IPO7: variants seen among roughly 807,000 people sequenced by gnomAD.
IPO7 encodes the protein importin-7.
Under a neutral mutation model 136.4 loss-of-function variants are expected in IPO7, and 13 were observed. That is an observed-to-expected ratio of 0.10 (90% CI 0.06 to 0.15). The LOEUF (loss-of-function observed/expected upper bound fraction) is 0.15. Among genes scored for constraint, IPO7 ranks in the 10% least tolerant of loss-of-function variants. The pLI is 1.00. For synonymous variants in IPO7, 403 were observed against 404.4 expected (o/e 1.00, Z 0.04); for missense variants, 857 against 1,240.6 (o/e 0.69, Z 4.65).
At chr11:9,443,728 C>T (rs1394064506) in intron 24 of IPO7, among the ~76,000 whole-genome samples, 1 of 150,086 alleles carries the variant, frequency 6.7e-6, no homozygotes, top group African/African-American at 2.5e-5. Flanking sequence ...CATAGTGAGA[C>T]ATCATCTCTA....
rs764351839 is a variant in IPO7, at chr11:9,445,200, CTCTT to C, written c.*13_*16del. On this transcript the variant is annotated 3_prime_UTR_variant, in exon 25 of 25. Transcript: ENST00000379719. ...CAGCACCAGGGATGAATTGAGTTAT[CTCTT>C]TCTTTCCTGCTGTGTGCTTGTAGTG... 20 of 1,538,850 alleles carry C rather than the reference CTCTT, an allele frequency of 1.3e-5. No individual in the cohort carries two copies. In the East Asian group the frequency reaches 2.2e-4, roughly 17 times the overall value.
At chr11:9,422,408 G>GTT (rs983756723) in intron 8 of IPO7, among the ~76,000 whole-genome samples, 6 of 145,864 alleles carry the variant, frequency 4.1e-5, no homozygotes, top group African/African-American at 1.0e-4. Flanking sequence ...ACACAGTTTT[G>GTT]TTTTTTTTTT....
intron 1 of IPO7, among the ~76,000 whole-genome samples, chr11:9,396,282 A>G (rs1397632775): frequency 6.6e-6 from 1 of 151,914 alleles, no homozygotes; most frequent in Non-Finnish European, 1.5e-5. Flanking sequence ...TGTAATCCCA[A>G]CTACTCAGGA....
intron 8 of IPO7, among the ~76,000 whole-genome samples, chr11:9,422,019 C>G (rs1855139405): frequency 6.6e-6 from 1 of 152,176 alleles, no homozygotes; most frequent in Non-Finnish European, 1.5e-5. Flanking sequence ...GTGGCTCACG[C>G]CTATAATCCC....
intron 20 of IPO7, 98 bp from the exon 21 acceptor site, chr11:9,437,656 C>A: frequency 2.4e-6 from 2 of 848,670 alleles, no homozygotes; most frequent in Non-Finnish European, 3.7e-6. Context: ...TCTAATGCTA[C>A]AATAGGGTTA....
chr11:9,427,089 A>G (rs765414246), intron 12 of IPO7, among the ~76,000 whole-genome samples: 4 of 152,056 alleles, frequency 2.6e-5, no homozygotes, highest in Non-Finnish European at 5.9e-5. Flanking sequence ...GCTTCAGGTG[A>G]TCCGCCTGCC....
At chr11:9,420,009 A>G (rs765788954) in intron 6 of IPO7, among the ~76,000 whole-genome samples, 7 of 152,286 alleles carry the variant, frequency 4.6e-5, no homozygotes, top group Non-Finnish European at 1.0e-4. Flanking sequence ...TACTTTTCCA[A>G]GTCTAACCTT....
In IPO7 at chr11:9,429,126, T is replaced by G. The variant is rs766686664; in HGVS notation, c.1521T>G (p.Asp507Glu). The change falls in exon 14 of 25, where the codon GAT becomes GAG. Residue 507 changes from aspartate to glutamate, a missense_variant. Physicochemically the swap from Asp to Glu is conservative, Grantham distance 45. Coordinates refer to ENST00000379719, the MANE Select transcript of IPO7 (RefSeq NM_006391.3). Reference sequence around the variant, plus strand: ...AGCTAACAAGAAGATGTCTGATTGATGATAGAGAAATGCCTGTGAAAGTGG... The same window carrying G: ...AGCTAACAAGAAGATGTCTGATTGAGGATAGAGAAATGCCTGTGAAAGTGG... The part of the protein sequence containing the change: ...ALELTRRCLI[D>E]DREMPVKVEA... 6.2e-7 allele frequency: 1 copy of G among 1,613,960 alleles called. No homozygotes were observed.
At chr11:9,427,130 G>A (rs1167683347) in intron 12 of IPO7, among the ~76,000 whole-genome samples, 1 of 152,114 alleles carries the variant, frequency 6.6e-6, no homozygotes, top group Non-Finnish European at 1.5e-5. Flanking sequence ...GATTACAGGC[G>A]TGAGCCACTG....
At chr11:9,420,340 A>G (rs1855109475) in intron 6 of IPO7, 71 bp from the exon 7 acceptor site, 8 of 997,764 alleles carry the variant, frequency 8.0e-6, no homozygotes, top group South Asian at 7.3e-5. Flanking sequence ...ATTTTTGTCA[A>G]TCTATTCTCA....
intron 12 of IPO7, among the ~76,000 whole-genome samples, chr11:9,426,145 G>A (rs1301787769): frequency 6.6e-6 from 1 of 152,144 alleles, no homozygotes; most frequent in Non-Finnish European, 1.5e-5. Context: ...ACCCCCAGAA[G>A]GAACTCTGTA....
At chr11:9,439,737 G>A (rs1255682192) in intron 22 of IPO7, among the ~76,000 whole-genome samples, 4 of 152,018 alleles carry the variant, frequency 2.6e-5, no homozygotes, top group African/African-American at 9.6e-5. Context: ...CACCACACCG[G>A]CTAATTTTTG....
chr11:9,428,925 A>T, intron 13 of IPO7, 106 bp from the exon 14 acceptor site: 1 of 977,618 alleles, frequency 1.0e-6, no homozygotes, highest in Non-Finnish European at 1.7e-6. Flanking sequence ...CACATCTACC[A>T]CTGGCCAGCC....
Position 9,447,551 on chromosome 11 carries a change from A to T in IPO7, c.*2357A>T, listed in dbSNP as rs546395088. ...GCAGGATTTTTGGAAAACTTTTTGAATGTATTTACAATATTCTCTTGTAAT... is the reference window on the plus strand; with the variant it reads ...GCAGGATTTTTGGAAAACTTTTTGATTGTATTTACAATATTCTCTTGTAAT... On this transcript the variant is annotated 3_prime_UTR_variant, in exon 25 of 25. Coordinates refer to ENST00000379719, the MANE Select transcript of IPO7 (RefSeq NM_006391.3). 2 of 152,292 alleles carry T rather than the reference A, an allele frequency of 1.3e-5. No individual in the cohort carries two copies. Among genetic ancestry groups the T allele is most frequent in the Non-Finnish European group, 2.9e-5 (2 of 68,034 alleles). The allele number at this position is 152,292 out of a possible 1,614,324, so 9.4% of individuals were successfully genotyped here. A position where few individuals can be genotyped will look rare whatever the true frequency, so the allele number is the denominator to read the frequency against.
intron 16 of IPO7, among the ~76,000 whole-genome samples, chr11:9,431,505 A>G (rs1169153040): frequency 6.6e-6 from 1 of 151,660 alleles, no homozygotes; most frequent in Non-Finnish European, 1.5e-5. Context: ...CTGTCACCCA[A>G]GCTGGATTGC....
At chr11:9,410,601 T>C (rs1480306039) in intron 4 of IPO7, among the ~76,000 whole-genome samples, 8 of 152,346 alleles carry the variant, frequency 5.3e-5, no homozygotes, top group African/African-American at 1.9e-4. Context: ...GTTGCATATT[T>C]AAGCAGATTA....
chr11:9,438,049 T>TTTG (rs1565004417), intron 21 of IPO7, 31 bp from the exon 22 acceptor site: 5 of 357,896 alleles, frequency 1.4e-5, no homozygotes, highest in African/African-American at 1.3e-4. Flanking sequence ...AAAACAGTTT[T>TTTG]TTTTTTTTTT....
intron 3 of IPO7, among the ~76,000 whole-genome samples, chr11:9,409,077 AC>A (rs1231155631): frequency 6.7e-6 from 1 of 148,770 alleles, no homozygotes; most frequent in Non-Finnish European, 1.5e-5. Flanking sequence ...CAGAAAACTT[AC>A]CCAACAGATG....
chr11:9,445,162 A>C lies in IPO7; in HGVS notation c.3085A>C (p.Asn1029His). ...TGCTCCAGTTGTGCCAAGTTCTTTCAATTTTGGAGGCCCAGCACCAGGGAT... is the reference window on the plus strand; with the variant it reads ...TGCTCCAGTTGTGCCAAGTTCTTTCCATTTTGGAGGCCCAGCACCAGGGAT... ...FSAPVVPSSF[N>H]FGGPAPGMN is the part of the protein sequence containing the mutation. Residue 1029 changes from asparagine (N) to histidine (H), a missense_variant, in exon 25 of 25, where the codon AAT (asparagine) becomes CAT (histidine). Physicochemically the swap from Asn to His is moderately conservative, Grantham distance 68. Coordinates refer to ENST00000379719, the MANE Select transcript of IPO7 (RefSeq NM_006391.3). 6.2e-7 allele frequency: 1 copy of C among 1,606,766 alleles called. No individual in the cohort carries two copies. Among genetic ancestry groups the C allele is most frequent in the Non-Finnish European group, 8.5e-7 (1 of 1,173,350 alleles).
Sources: gnomAD v4.1 joint callset for allele counts (sites outside exome capture counted in the v4.1 genomes callset) on GRCh38, gnomAD v4.1.1 for gene constraint, MANE v1.5 for transcripts, NCBI Gene and HGNC (gene_info 2026-07-23, HGNC 2026-07-21) for gene names.